OXSR1: variants seen among roughly 807,000 people sequenced by gnomAD.
The protein encoded by OXSR1 is serine/threonine-protein kinase OSR1.
In OXSR1, 24 loss-of-function variants were observed where a neutral mutation model predicts 79.8. The observed-to-expected ratio is 0.30, with a 90% CI of 0.22 to 0.42. The LOEUF (loss-of-function observed/expected upper bound fraction) is 0.42. Ranked by LOEUF, OXSR1 falls within the 10% of genes least tolerant of loss-of-function variation. The pLI is 1.00. For synonymous variants in OXSR1, 226 were observed against 209.2 expected (o/e 1.08, Z -0.69); for missense variants, 430 against 618.4 (o/e 0.70, Z 3.23).
At chr3:38,170,166 TCC>T (rs2125799214) in intron 1 of OXSR1, among the ~76,000 whole-genome samples, 1 of 152,268 alleles carries the variant, frequency 6.6e-6, no homozygotes, top group South Asian at 2.1e-4. Context: ...TGTCTCAGCC[TCC>T]CAAGTAGGTG....
Position 38,165,968 on chromosome 3 carries a change from G to C in OXSR1, c.70+22G>C, listed in dbSNP as rs375221906. The C allele has an allele frequency of 2.8e-4, 451 of 1,603,338 alleles. 2 individuals carry two copies. The South Asian group carries it at 4.1e-3, about 15-fold the overall frequency. ...ATCGGTGAGAGCAGGCGCTGCGGAG[G>C]GGGGAGGCGCGGCGCTGGGAGGCGG... is the stretch of plus-strand genomic sequence containing the variant. On this transcript the variant is annotated intron_variant, in intron 1 of 17. Coordinates refer to ENST00000311806, the MANE Select transcript of OXSR1 (RefSeq NM_005109.3).
intron 11 of OXSR1, among the ~76,000 whole-genome samples, chr3:38,239,509 C>A (rs1431902566): frequency 2.0e-5 from 3 of 152,160 alleles, no homozygotes; most frequent in East Asian, 3.9e-4. Context: ...GAGACAAGAC[C>A]TTTTTGAGAA....
At chr3:38,190,861 G>T in intron 3 of OXSR1, 22 bp downstream of exon 3, 1 of 1,243,900 alleles carries the variant, frequency 8.0e-7, no homozygotes, top group Non-Finnish European at 1.2e-6. Flanking sequence ...ACAAGGAAAT[G>T]CTATAAGTAC....
intron 4 of OXSR1, among the ~76,000 whole-genome samples, chr3:38,213,991 C>A (rs942317873): frequency 5.3e-5 from 8 of 152,090 alleles, no homozygotes; most frequent in African/African-American, 1.9e-4. Flanking sequence ...GGTTTAGATA[C>A]ACCACAGCTT....
intron 4 of OXSR1, among the ~76,000 whole-genome samples, chr3:38,206,193 A>C (rs1191799398): frequency 2.0e-5 from 3 of 152,148 alleles, no homozygotes; most frequent in Non-Finnish European, 4.4e-5. Context: ...CTGGTGAAAA[A>C]AAGAGGCTTT....
intron 10 of OXSR1, among the ~76,000 whole-genome samples, chr3:38,234,485 A>C (rs750861026): frequency 1.4e-4 from 21 of 152,266 alleles, no homozygotes; most frequent in Non-Finnish European, 2.8e-4. Context: ...CAATAAACAC[A>C]TGAAAAGATA....
chr3:38,192,157 G>T (rs1472202685), intron 3 of OXSR1, among the ~76,000 whole-genome samples: 1 of 152,132 alleles, frequency 6.6e-6, no homozygotes, highest in Non-Finnish European at 1.5e-5. Flanking sequence ...TATGTATTCA[G>T]TGTCTTTCCA....
chr3:38,172,511 T>G (rs1192302707), intron 1 of OXSR1, among the ~76,000 whole-genome samples: 2 of 152,258 alleles, frequency 1.3e-5, no homozygotes, highest in Non-Finnish European at 2.9e-5. Context: ...TTTGACACTT[T>G]GAAGGCAGTG....
intron 10 of OXSR1, 101 bp downstream of exon 10, chr3:38,230,531 T>C: frequency 1.3e-6 from 1 of 784,058 alleles, no homozygotes; most frequent in South Asian, 1.5e-5. Context: ...TGAGAATTAC[T>C]GGTTTTCTGT....
chr3:38,240,154 G>A (rs944001042), intron 11 of OXSR1, among the ~76,000 whole-genome samples: 6 of 152,148 alleles, frequency 3.9e-5, no homozygotes, highest in South Asian at 2.1e-4. Flanking sequence ...TATGAATATA[G>A]TATTTGACTA....
chr3:38,228,358 C>T (rs1702733702), intron 8 of OXSR1, among the ~76,000 whole-genome samples: 1 of 152,094 alleles, frequency 6.6e-6, no homozygotes, highest in Admixed American at 6.6e-5. Flanking sequence ...AATTGTTGAG[C>T]ATATGAAAAA....
Position 38,253,140 on chromosome 3 carries a change from C to T in OXSR1, c.*249C>T. On this transcript the variant is annotated 3_prime_UTR_variant, in exon 18 of 18. Coordinates refer to ENST00000311806, the MANE Select transcript of OXSR1 (RefSeq NM_005109.3). ...TACTTCATATGTCCCCTGTCTTCCT[C>T]CATCTGAGAAGTGGCCCATGTGCTT... is the stretch of plus-strand genomic sequence containing the variant. 1 of 485,424 alleles carries T rather than the reference C, an allele frequency of 2.1e-6. No homozygotes were observed. Among genetic ancestry groups the T allele is most frequent in the South Asian group, 2.7e-5 (1 of 36,958 alleles). The allele number at this position is 485,424 out of a possible 1,614,324, so 30.1% of individuals were successfully genotyped here.
intron 4 of OXSR1, among the ~76,000 whole-genome samples, chr3:38,208,111 CATA>C (rs1026939327): frequency 6.6e-6 from 1 of 151,850 alleles, no homozygotes; most frequent in African/African-American, 2.4e-5. Flanking sequence ...ATACAATTAT[CATA>C]ATACAGAGGA....
intron 4 of OXSR1, among the ~76,000 whole-genome samples, chr3:38,201,279 C>T (rs1702158019): frequency 6.6e-6 from 1 of 152,024 alleles, no homozygotes. Flanking sequence ...TTAAAAATTA[C>T]TCTTTTGGCT....
At chr3:38,229,784 A>G (rs201711362) in intron 9 of OXSR1, 49 bp downstream of exon 9, 13 of 1,333,328 alleles carry the variant, frequency 9.8e-6, no homozygotes, top group East Asian at 2.3e-5. Flanking sequence ...ATGCTCCTCA[A>G]TTACTCAGAT....
chr3:38,216,494 G>A (rs577853291), intron 5 of OXSR1, among the ~76,000 whole-genome samples: 1 of 152,130 alleles, frequency 6.6e-6, no homozygotes, highest in Admixed American at 6.5e-5. Flanking sequence ...GAATAAGTAC[G>A]TTATATAGAG....
At chr3:38,187,344 T>G (rs1012890809) in intron 2 of OXSR1, among the ~76,000 whole-genome samples, 1 of 152,202 alleles carries the variant, frequency 6.6e-6, no homozygotes, top group African/African-American at 2.4e-5. Context: ...TATACAGAGA[T>G]ATCGAGACTC....
At chr3:38,175,493 G>T (rs1701660255) in intron 1 of OXSR1, among the ~76,000 whole-genome samples, 2 of 152,088 alleles carry the variant, frequency 1.3e-5, no homozygotes, top group African/African-American at 2.4e-5. Context: ...TAGAGACGGG[G>T]TTTTACTGTG....
At chr3:38,232,456 T>C (rs1702830856) in intron 10 of OXSR1, among the ~76,000 whole-genome samples, 1 of 151,224 alleles carries the variant, frequency 6.6e-6, no homozygotes, top group Non-Finnish European at 1.5e-5. Flanking sequence ...AAAAGAACTG[T>C]TAAGAGAATA....
Sources: allele counts gnomAD v4.1 joint callset (sites outside exome capture counted in the v4.1 genomes callset), GRCh38; gene constraint gnomAD v4.1.1; transcripts MANE v1.5; gene names NCBI Gene and HGNC (gene_info 2026-07-23, HGNC 2026-07-21).